Variants in ADAMTS3 observed in about 807,000 individuals in gnomAD.
The protein encoded by ADAMTS3 is A disintegrin and metalloproteinase with thrombospondin motifs 3.
Under a neutral mutation model 129.0 loss-of-function variants are expected in ADAMTS3, and 73 were observed. That is an observed-to-expected ratio of 0.57 (90% CI 0.47 to 0.69). The LOEUF (loss-of-function observed/expected upper bound fraction) is 0.69, where lower values mean the gene tolerates loss of function less well. Ranked by LOEUF, ADAMTS3 falls within the 30% of genes least tolerant of loss-of-function variation. ADAMTS3 has a pLI of 0.00. For missense variants in ADAMTS3, 1,457 were observed against 1,514.5 expected (o/e 0.96, Z 0.63); for synonymous variants, 477 against 510.8 (o/e 0.93, Z 0.89).
chr4:72,402,016 A>G (rs1028491459), intron 4 of ADAMTS3, among the ~76,000 whole-genome samples: 3 of 152,220 alleles, frequency 2.0e-5, no homozygotes, highest in Non-Finnish European at 4.4e-5. Context: ...TATTATGAAA[A>G]CAGCATCAAG....
intron 3 of ADAMTS3, among the ~76,000 whole-genome samples, chr4:72,516,183 TC>T (rs1343981408): frequency 6.6e-6 from 1 of 152,204 alleles, no homozygotes; most frequent in Non-Finnish European, 1.5e-5. Flanking sequence ...TCTGTTCTGT[TC>T]CATTGTTCTA....
At chr4:72,558,746 C>T (rs894569340) in intron 2 of ADAMTS3, among the ~76,000 whole-genome samples, 2 of 151,618 alleles carry the variant, frequency 1.3e-5, no homozygotes, top group Non-Finnish European at 2.9e-5. Flanking sequence ...AACTGCACAC[C>T]GATTTCCCTT....
intron 2 of ADAMTS3, among the ~76,000 whole-genome samples, chr4:72,563,158 T>C (rs888108519): frequency 1.3e-5 from 2 of 152,160 alleles, no homozygotes; most frequent in Admixed American, 6.5e-5. Flanking sequence ...AGTGAAAGCA[T>C]GGCTAAACAC....
intron 3 of ADAMTS3, among the ~76,000 whole-genome samples, chr4:72,516,928 A>G (rs1720501077): frequency 6.6e-6 from 1 of 152,204 alleles, no homozygotes; most frequent in South Asian, 2.1e-4. Flanking sequence ...TTTCAAAGGG[A>G]ATGCTTCCAG....
chr4:72,342,773 A>AAT (rs1282859550), intron 4 of ADAMTS3, among the ~76,000 whole-genome samples: 1 of 152,040 alleles, frequency 6.6e-6, no homozygotes, highest in Non-Finnish European at 1.5e-5. Context: ...ACCCCAACCA[A>AAT]ATGCATGACT....
chr4:72,364,718 T>C (rs1720825011), intron 4 of ADAMTS3, among the ~76,000 whole-genome samples: 1 of 152,086 alleles, frequency 6.6e-6, no homozygotes, highest in Non-Finnish European at 1.5e-5. Flanking sequence ...AAGGAATATA[T>C]ACCACCTCCA....
intron 3 of ADAMTS3, among the ~76,000 whole-genome samples, chr4:72,511,558 C>T (rs558732033): frequency 6.6e-6 from 1 of 152,286 alleles, no homozygotes; most frequent in East Asian, 1.9e-4. Context: ...ATTAAAACTA[C>T]AATGCGATAT....
At chr4:72,409,054 T>G (rs1030784569) in intron 4 of ADAMTS3, among the ~76,000 whole-genome samples, 1 of 151,872 alleles carries the variant, frequency 6.6e-6, no homozygotes, top group East Asian at 1.9e-4. Context: ...AACCCAGAAC[T>G]TAAAGTATAA....
intron 17 of ADAMTS3, among the ~76,000 whole-genome samples, chr4:72,301,165 T>C (rs1048443423): frequency 6.6e-6 from 1 of 152,124 alleles, no homozygotes; most frequent in Non-Finnish European, 1.5e-5. Context: ...AAATGTAAAA[T>C]GTATAACTCT....
rs766371260 is a variant in ADAMTS3, at chr4:72,319,317, C to T, written c.1352+15G>A. 4 of 1,613,490 alleles carry T rather than the reference C, an allele frequency of 2.5e-6. No homozygotes were observed. In the South Asian group the frequency reaches 3.3e-5, roughly 13 times the overall value. On this transcript the variant is annotated intron_variant, in intron 9 of 21. Transcript: ENST00000286657. The stretch of plus-strand genomic sequence containing the variant: ...ATAAAATAAATACTTTCATGACATG[C>T]AGCAGGGGACATACTGGATATATCT...
chr4:72,520,510 G>C (rs528149994), intron 3 of ADAMTS3, among the ~76,000 whole-genome samples: 1 of 152,204 alleles, frequency 6.6e-6, no homozygotes, highest in Non-Finnish European at 1.5e-5. Context: ...GGAGCTTCCC[G>C]GCTGCTTTGT....
At chr4:72,563,516 A>C (rs929866830) in intron 2 of ADAMTS3, among the ~76,000 whole-genome samples, 13 of 152,140 alleles carry the variant, frequency 8.5e-5, no homozygotes, top group African/African-American at 3.1e-4. Flanking sequence ...AAAACAAAAA[A>C]TTAGTTGGCA....
intron 2 of ADAMTS3, among the ~76,000 whole-genome samples, chr4:72,562,593 A>C (rs547511265): frequency 2.0e-5 from 3 of 152,354 alleles, no homozygotes; most frequent in African/African-American, 4.8e-5. Flanking sequence ...TATACAAAAA[A>C]TACAGTGTGT....
chr4:72,394,886 C>A (rs1452322476), intron 4 of ADAMTS3, among the ~76,000 whole-genome samples: 2 of 151,156 alleles, frequency 1.3e-5, no homozygotes, highest in Non-Finnish European at 2.9e-5. Context: ...GAATAAAATC[C>A]ATTTCTCACC....
At chr4:72,508,274 T>C (rs1299852364) in intron 3 of ADAMTS3, among the ~76,000 whole-genome samples, 2 of 152,176 alleles carry the variant, frequency 1.3e-5, no homozygotes, top group African/African-American at 4.8e-5. Context: ...GACTCACTCA[T>C]AGCAATAGTT....
At chr4:72,328,062 A>G (rs1341248557) in intron 5 of ADAMTS3, among the ~76,000 whole-genome samples, 1 of 152,238 alleles carries the variant, frequency 6.6e-6, no homozygotes, top group Non-Finnish European at 1.5e-5. Flanking sequence ...CGTATTTGAC[A>G]CTGCATAATG....
At position 72,515,199 on chromosome 4, in the gene ADAMTS3, T is replaced by G. The variant is rs528548321; in HGVS notation, c.504+33279A>C. Among the ~76,000 whole-genome samples, 15 of 152,288 alleles carry G rather than the reference T, an allele frequency of 9.8e-5. No individual in the cohort carries two copies. The South Asian group carries it at 2.5e-3, about 25-fold the overall frequency. On this transcript the variant is annotated intron_variant, in intron 3 of 21. Coordinates refer to ENST00000286657, the MANE Select transcript of ADAMTS3 (RefSeq NM_014243.3). ...TTTATGGCTGCATAGCATTCCATGG[T>G]GTATATGTGCCACATTTTCTTAATC...
intron 3 of ADAMTS3, among the ~76,000 whole-genome samples, chr4:72,500,089 A>C (rs776758530): frequency 2.5e-4 from 38 of 152,246 alleles, no homozygotes; most frequent in Non-Finnish European, 5.0e-4. Flanking sequence ...ATGAACATAC[A>C]AGTGCATGTG....
intron 4 of ADAMTS3, among the ~76,000 whole-genome samples, chr4:72,367,269 C>T (rs1720891290): frequency 6.6e-6 from 1 of 152,092 alleles, no homozygotes; most frequent in South Asian, 2.1e-4. Context: ...AATTTCTTGT[C>T]TTCTACCTTA....
Sources: gnomAD v4.1 joint callset for allele counts (sites outside exome capture counted in the v4.1 genomes callset) on GRCh38, gnomAD v4.1.1 for gene constraint, MANE v1.5 for transcripts, NCBI Gene and HGNC (gene_info 2026-07-23, HGNC 2026-07-21) for gene names.